The following CLN6 variants were observed in gnomAD, a reference collection of about 807,000 sequenced individuals.
CLN6 encodes CLN6 transmembrane ER protein.
In CLN6, 22 loss-of-function variants were observed where a neutral mutation model predicts 33.3. That is an observed-to-expected ratio of 0.66 (90% CI 0.47 to 0.94). The LOEUF is 0.94. Among genes scored for constraint, CLN6 ranks in the 40% least tolerant of loss-of-function variants. The probability of loss-of-function intolerance (pLI) is 0.00; values close to 1 mark genes in which losing one functional copy is unlikely to be tolerated. For missense variants in CLN6, 387 were observed against 417.1 expected (o/e 0.93, Z 0.63); for synonymous variants, 201 against 174.6 (o/e 1.15, Z -1.19).
Position 68,211,587 on chromosome 15 carries a change from G to A in CLN6, c.486+88C>T. ...GAATGCCTTTGGTGAAAGGACAGGT[G>A]CGGCGAGGGGTGGGGGCCATTTCTT... is the stretch of plus-strand genomic sequence containing the variant. On this transcript the variant is annotated intron_variant, in intron 4 of 6. Transcript: ENST00000249806. This position sits in a 1 kb window ranked among gnomAD's most constrained non-coding sequence, Gnocchi z 5.9. 1 of 1,602,826 alleles carries A rather than the reference G, an allele frequency of 6.2e-7. No homozygotes were observed. The highest frequency in any genetic ancestry group is 2.2e-5 in the East Asian group (1 of 44,876).
At chr15:68,217,280 G>C (rs1318360368) in intron 2 of CLN6, among the ~76,000 whole-genome samples, 3 of 152,208 alleles carry the variant, frequency 2.0e-5, no homozygotes, top group Admixed American at 1.3e-4. Flanking sequence ...TGCCCAGGCT[G>C]GAGTGCAGCG....
At chr15:68,217,055 A>G (rs1371974050) in intron 2 of CLN6, among the ~76,000 whole-genome samples, 1 of 152,254 alleles carries the variant, frequency 6.6e-6, no homozygotes, top group Non-Finnish European at 1.5e-5. Context: ...TGAAACACAT[A>G]AAGAGCTTAG....
rs183611570 is a variant in CLN6 at position 68,226,488 on chromosome 15, C to T, written c.83+3014G>A. Among the ~76,000 whole-genome samples the T allele has an allele frequency of 7.9e-3, 1,196 of 151,698 alleles. 14 individuals are homozygous for T. The highest frequency in any genetic ancestry group is 0.013 in the Non-Finnish European group (908 of 67,926). On this transcript the variant is annotated intron_variant, in intron 1 of 6. Transcript: ENST00000249806. ...TATCCCTTTTTTTTCTTTTTTGAGA[C>T]GGAGTCTCACTCTTGTTGCCCAGGC... is the stretch of plus-strand genomic sequence containing the variant.
upstream of CLN6, chr15:68,257,109 A>T (rs1003803527): frequency 9.2e-5 from 35 of 380,088 alleles, no homozygotes; most frequent in African/African-American, 6.4e-4. Context: ...TGACTTCTGC[A>T]GGCCTCTCCC....
rs764301084 is a variant in CLN6 at position 68,214,350 on chromosome 15, G to T, written c.237C>A (p.Pro79=). The change falls in exon 3 of 7, where the codon CCC becomes CCA. Residue 79 remains proline (P), a synonymous_variant. Coordinates refer to ENST00000249806, the MANE Select transcript of CLN6 (RefSeq NM_017882.3). ...CCATGTGGAAGTAGTCCCCAACACT[G>T]GGCTTGTTGAGTGGAAACCACTCGA... ...FPLEWFPLNK[P]SVGDYFHMAY... 3.7e-6 allele frequency: 6 copies of T among 1,613,974 alleles called. No homozygotes were observed. Among genetic ancestry groups the T allele is most frequent in the Non-Finnish European group, 5.1e-6 (6 of 1,179,936 alleles).
intron 1 of CLN6, among the ~76,000 whole-genome samples, chr15:68,255,848 C>G (rs929612203): frequency 2.0e-5 from 3 of 152,184 alleles, no homozygotes; most frequent in African/African-American, 7.2e-5. Context: ...GGCTGGAATG[C>G]AGTGTTGCAG....
upstream of CLN6, among the ~76,000 whole-genome samples, chr15:68,233,444 T>A (rs899390232): frequency 2.0e-5 from 3 of 152,226 alleles, no homozygotes; most frequent in Admixed American, 1.3e-4. This position sits in a 1 kb window ranked among gnomAD's most constrained non-coding sequence, Gnocchi z 4.3. Flanking sequence ...AATTTCATCA[T>A]TCTGCAGCTG....
intron 1 of CLN6, among the ~76,000 whole-genome samples, chr15:68,255,556 C>A (rs1316528854): frequency 6.6e-6 from 1 of 152,184 alleles, no homozygotes; most frequent in Admixed American, 6.5e-5. Flanking sequence ...ATGAGGACTT[C>A]ATTTGGGTTT....
chr15:68,229,687 C>G lies in CLN6; in HGVS notation c.-103G>C. ...CGCAAATTCCCAGCGCGGGGCGGTT[C>G]GGGGCGGGCCGGCGAGAGCGCGCGG... On this transcript the variant is annotated 5_prime_UTR_variant, in exon 1 of 7. Transcript: ENST00000249806. The G allele has an allele frequency of 1.1e-6, 1 of 928,292 alleles. No homozygotes were observed. The allele number at this position is 928,292 out of a possible 1,614,324, so 57.5% of individuals were successfully genotyped here.
rs8037785 is a variant in CLN6, at chr15:68,220,313, G to T, written c.84-1663C>A. Among the ~76,000 whole-genome samples, 7,195 of 152,262 alleles carry T rather than the reference G, an allele frequency of 0.047. 563 individuals are homozygous for T. Among genetic ancestry groups the T allele is most frequent in the African/African-American group, 0.16 (6,756 of 41,520 alleles). On this transcript the variant is annotated intron_variant, in intron 1 of 6. Transcript: ENST00000249806. This position sits in a 1 kb window ranked among gnomAD's most constrained non-coding sequence, Gnocchi z 4.2. ...TCCACGCATCTGCTTTACAGATGAG[G>T]ATACTGAGGCTTAGAGGGATTAGGT...
Position 68,256,311 on chromosome 15 carries a change from G to A in CLN6, c.179+379C>T, listed in dbSNP as rs1224598119. 6.6e-6 allele frequency among the ~76,000 whole-genome samples: 1 copy of A among 151,672 alleles called. No homozygotes were observed. Among genetic ancestry groups the A allele is most frequent in the Non-Finnish European group, 1.5e-5 (1 of 67,908 alleles). Reference sequence around the variant, plus strand: ...TTTAGTAGAGGCGGGGTTTCACTATGTTGGCCAGGCTGGTTGAGAACTCCT... The same window carrying A: ...TTTAGTAGAGGCGGGGTTTCACTATATTGGCCAGGCTGGTTGAGAACTCCT... On this transcript the variant is annotated intron_variant, in intron 1 of 6. Transcript: ENST00000538696. This position sits in a 1 kb window ranked among gnomAD's most constrained non-coding sequence, Gnocchi z 4.1.
At chr15:68,229,767 A>AGCGGAGCGGAGGGAGGCGGG (rs71145145), upstream of CLN6, 103,511 of 316,992 alleles carry the variant, frequency 0.33, 20,420 homozygotes, top group East Asian at 0.59. Context: ...AGCGGAGCGG[A>AGCGGAGCGGAGGGAGGCGGG]GCGGAGCGGA....
rs900546043 is a variant in CLN6 at position 68,211,188 on chromosome 15, G to C, written c.542+75C>G. ...CCCGCAGCCCAGACAGCCTTGCTCA[G>C]TGTGTCCCTGAGCCAGTGACAGGGC... On this transcript the variant is annotated intron_variant, in intron 5 of 6. Transcript: ENST00000249806. The surrounding 1 kb of genome is among the most constrained non-coding windows in gnomAD (Gnocchi z 5.9). 49 of 1,277,008 alleles carry C rather than the reference G, an allele frequency of 3.8e-5. No homozygotes were observed. The highest frequency in any genetic ancestry group is 5.0e-5 in the Non-Finnish European group (44 of 872,570). 79.1% of individuals were successfully genotyped at this position (1,277,008 alleles called of 1,614,324 possible).
rs975592475 is a variant in CLN6, at chr15:68,242,143, C to G, written c.179+14547G>C. Reference sequence around the variant, plus strand: ...GATGGCAATATGTGAGCTCTCTGACCAAGAATTCAAAATAGCAGTTTTAAG... The same window carrying G: ...GATGGCAATATGTGAGCTCTCTGACGAAGAATTCAAAATAGCAGTTTTAAG... On this transcript the variant is annotated intron_variant, in intron 1 of 6. Coordinates refer to the CLN6 transcript ENST00000538696. The surrounding 1 kb of genome is among the most constrained non-coding windows in gnomAD (Gnocchi z 5.0). 4.6e-5 allele frequency among the ~76,000 whole-genome samples: 7 copies of G among 152,168 alleles called. No homozygotes were observed. Among genetic ancestry groups the G allele is most frequent in the African/African-American group, 1.7e-4 (7 of 41,504 alleles).
rs2093192281 is a variant in CLN6, at chr15:68,207,979, G to GACACACCC, written c.*160_*161insGGGTGTGT. The GACACACCC allele has an allele frequency of 1.7e-6, 1 of 599,280 alleles. No individual in the cohort carries two copies. Among genetic ancestry groups the GACACACCC allele is most frequent in the African/African-American group, 1.9e-5 (1 of 53,830 alleles). 37.1% of individuals were successfully genotyped at this position (599,280 alleles called of 1,614,324 possible). A position where few individuals can be genotyped will look rare whatever the true frequency, so the allele number is the denominator to read the frequency against. On this transcript the variant is annotated 3_prime_UTR_variant, in exon 7 of 7. Transcript: ENST00000249806. ...ATGCACTCTGCGCACACATATACAA[G>GACACACCC]ACACACACACACACACACACGAATC...
intron 3 of CLN6, chr15:68,212,177 G>C: frequency 2.6e-6 from 1 of 388,296 alleles, no homozygotes; most frequent in Admixed American, 4.1e-5. Context: ...TTCAGTGCAG[G>C]AGTCCAGGCT....
chr15:68,214,460 G>T, intron 2 of CLN6, 72 bp from the exon 3 acceptor site: 1 of 1,039,038 alleles, frequency 9.6e-7, no homozygotes, highest in Non-Finnish European at 1.5e-6. Flanking sequence ...AAGGGAGTCT[G>T]CCCCTAATGC....
rs538187060 is a variant in CLN6, at chr15:68,210,262, C to A, written c.543-503G>T. 6.6e-6 allele frequency among the ~76,000 whole-genome samples: 1 copy of A among 152,082 alleles called. No individual in the cohort carries two copies. Among genetic ancestry groups the A allele is most frequent in the African/African-American group, 2.4e-5 (1 of 41,492 alleles). ...AATACTACCCTCTCCCCTCTCCACA[C>A]ACCGGCTCCCTTTCTCCCACCTGTG... is the stretch of plus-strand genomic sequence containing the variant. On this transcript the variant is annotated intron_variant, in intron 5 of 6. Transcript: ENST00000249806. The surrounding 1 kb of genome is among the most constrained non-coding windows in gnomAD (Gnocchi z 5.6).
intron 1 of CLN6, among the ~76,000 whole-genome samples, chr15:68,222,939 A>C: frequency 6.6e-6 from 1 of 152,164 alleles, no homozygotes. Context: ...ATGCTCGTTA[A>C]GAGTCATCAC....
Sources: gnomAD v4.1 joint callset for allele counts (sites outside exome capture counted in the v4.1 genomes callset) on GRCh38, gnomAD v4.1.1 for gene constraint, Gnocchi (gnomAD v3.1) non-coding constraint, MANE v1.5 for transcripts, NCBI Gene and HGNC (gene_info 2026-07-23, HGNC 2026-07-21) for gene names.